The following HCN1 variants were observed in gnomAD, a reference collection of about 807,000 sequenced individuals.
HCN1 encodes the protein potassium/sodium hyperpolarization-activated cyclic nucleotide-gated channel 1.
In HCN1, 13 loss-of-function variants were observed where a neutral mutation model predicts 78.9. The observed-to-expected ratio is 0.16, with a 90% CI of 0.11 to 0.26. HCN1 has a LOEUF of 0.26. Ranked by LOEUF, HCN1 falls within the 10% of genes least tolerant of loss-of-function variation. HCN1 has a pLI of 1.00. For missense variants in HCN1, 810 were observed against 1,154.3 expected (o/e 0.70, Z 4.32); for synonymous variants, 552 against 455.5 (o/e 1.21, Z -2.70).
intron 6 of HCN1, among the ~76,000 whole-genome samples, chr5:45,268,683 A>G (rs1163192532): frequency 6.6e-6 from 1 of 152,232 alleles, no homozygotes; most frequent in Non-Finnish European, 1.5e-5. Flanking sequence ...CACCTAAACC[A>G]TCAATTATGC....
intron 4 of HCN1, among the ~76,000 whole-genome samples, chr5:45,373,328 C>A (rs1394444592): frequency 9.8e-6 from 1 of 102,512 alleles, no homozygotes; most frequent in African/African-American, 3.8e-5. Context: ...ATATATATTT[C>A]ATATATTTAA....
intron 5 of HCN1, among the ~76,000 whole-genome samples, chr5:45,327,782 A>G (rs1469519103): frequency 6.6e-6 from 1 of 151,666 alleles, no homozygotes; most frequent in Admixed American, 6.6e-5. Context: ...ATTTGGACAC[A>G]CAGAAAAGAC....
At chr5:45,659,980 G>A (rs1274332472) in intron 1 of HCN1, among the ~76,000 whole-genome samples, 2 of 146,388 alleles carry the variant, frequency 1.4e-5, no homozygotes, top group African/African-American at 5.2e-5. Flanking sequence ...CTCGGGAAGA[G>A]AAACTCCAAG....
chr5:45,380,432 A>G (rs943290594), intron 4 of HCN1, among the ~76,000 whole-genome samples: 1 of 152,108 alleles, frequency 6.6e-6, no homozygotes, highest in African/African-American at 2.4e-5. Flanking sequence ...TGTATATTCT[A>G]TGGATATCCA....
At chr5:45,642,126 C>G (rs1246584720) in intron 2 of HCN1, 1 of 152,164 alleles carries the variant, frequency 6.6e-6, no homozygotes, top group Non-Finnish European at 1.5e-5. Context: ...CTTGATTTAT[C>G]TAAATTGTCT....
intron 4 of HCN1, among the ~76,000 whole-genome samples, chr5:45,377,387 A>C (rs1407207905): frequency 6.6e-6 from 1 of 152,022 alleles, no homozygotes; most frequent in Non-Finnish European, 1.5e-5. Context: ...AAATATTAAT[A>C]ATCAAAACAA....
At position 45,696,078 on chromosome 5, in the gene HCN1, T is replaced by C; in HGVS notation, c.16A>G (p.Lys6Glu). ...CGGCTGTTAGACGAAGAGTTGGGCT[T>C]GCCGCCTCCTTCCATGCCCGGAGGA... MEGGG[K>E]PNSSSNSRDD... Residue 6 changes from lysine to glutamate, a missense_variant, in exon 1 of 8, where the codon AAG (lysine) becomes GAG (glutamate). Coordinates refer to ENST00000303230, the MANE Select transcript of HCN1 (RefSeq NM_021072.4). The C allele has an allele frequency of 7.4e-7, 1 of 1,349,874 alleles. No individual in the cohort carries two copies. The highest frequency in any genetic ancestry group is 9.6e-7 in the Non-Finnish European group (1 of 1,040,084). The allele number at this position is 1,349,874 out of a possible 1,614,324, so 83.6% of individuals were successfully genotyped here.
At chr5:45,401,657 GT>G (rs77219002) in intron 3 of HCN1, among the ~76,000 whole-genome samples, 9,275 of 136,774 alleles carry the variant, frequency 0.068, 900 homozygotes, top group African/African-American at 0.22. Flanking sequence ...CTAGAGAAAG[GT>G]TTTTTTTTTT....
At position 45,260,130 on chromosome 5, in the gene HCN1, T is replaced by G. The variant is rs1744702879; in HGVS notation, c.*1791A>C. 6.6e-6 allele frequency: 1 copy of G among 152,224 alleles called. No homozygotes were observed. The allele number at this position is 152,224 out of a possible 1,614,324, so 9.4% of individuals were successfully genotyped here. On this transcript the variant is annotated 3_prime_UTR_variant, in exon 8 of 8. Transcript: ENST00000303230. ...CAAGGATCCACTTTAGAGTTTCTGC[T>G]TTTGTTTTTGTTTTCTGTCCTCAAG...
chr5:45,686,112 C>CAT (rs759881382), intron 1 of HCN1, among the ~76,000 whole-genome samples: 1,522 of 149,074 alleles, frequency 0.01, 10 homozygotes, highest in Non-Finnish European at 0.013. Context: ...ATGAATTTTA[C>CAT]ATATATATAT....
At chr5:45,595,835 C>CT (rs111620999) in intron 2 of HCN1, among the ~76,000 whole-genome samples, 77 of 145,516 alleles carry the variant, frequency 5.3e-4, no homozygotes, top group Non-Finnish European at 6.5e-4. Flanking sequence ...CAACATATGA[C>CT]TTTTTTTTTT....
chr5:45,571,127 C>A (rs1227798695), intron 2 of HCN1, among the ~76,000 whole-genome samples: 1 of 152,048 alleles, frequency 6.6e-6, no homozygotes, highest in Non-Finnish European at 1.5e-5. Flanking sequence ...TTTGGTTCCT[C>A]TAGCAGGCAT....
chr5:45,547,893 C>T (rs1297416532), intron 2 of HCN1, among the ~76,000 whole-genome samples: 3 of 151,858 alleles, frequency 2.0e-5, no homozygotes, highest in African/African-American at 7.2e-5. Flanking sequence ...ATATGTTAAT[C>T]CAATATTTAC....
chr5:45,577,055 T>C (rs1429830349), intron 2 of HCN1, among the ~76,000 whole-genome samples: 2 of 152,104 alleles, frequency 1.3e-5, no homozygotes, highest in Non-Finnish European at 2.9e-5. Context: ...AATGTATATC[T>C]TTATTTTGGA....
chr5:45,493,793 T>G (rs1741954134), intron 2 of HCN1, among the ~76,000 whole-genome samples: 2 of 142,896 alleles, frequency 1.4e-5, no homozygotes, highest in Admixed American at 1.4e-4. Flanking sequence ...ATGTTCCCCT[T>G]CCTGTGTCCA....
intron 5 of HCN1, among the ~76,000 whole-genome samples, chr5:45,316,181 C>T (rs1177272816): frequency 5.3e-5 from 8 of 152,160 alleles, no homozygotes; most frequent in South Asian, 2.1e-4. Context: ...ACTGGCAAAC[C>T]GAATGCAGCA....
At chr5:45,619,217 C>A (rs76048176) in intron 2 of HCN1, among the ~76,000 whole-genome samples, 6,127 of 152,076 alleles carry the variant, frequency 0.04, 441 homozygotes, top group African/African-American at 0.14. Flanking sequence ...TTTAAAATTG[C>A]TTCCATTGTC....
chr5:45,493,441 C>G (rs1420645828), intron 2 of HCN1, among the ~76,000 whole-genome samples: 1 of 151,936 alleles, frequency 6.6e-6, no homozygotes, highest in Non-Finnish European at 1.5e-5. Context: ...ATTCCTTTTA[C>G]ATAAATGAAT....
At chr5:45,593,503 A>G (rs904360711) in intron 2 of HCN1, among the ~76,000 whole-genome samples, 1 of 152,034 alleles carries the variant, frequency 6.6e-6, no homozygotes, top group African/African-American at 2.4e-5. Flanking sequence ...ACACCTGGGC[A>G]GAGTTCCAAT....
Sources: gnomAD v4.1 joint callset for allele counts (sites outside exome capture counted in the v4.1 genomes callset) on GRCh38, gnomAD v4.1.1 for gene constraint, MANE v1.5 for transcripts, NCBI Gene and HGNC (gene_info 2026-07-23, HGNC 2026-07-21) for gene names.